Variants in CACHD1 observed in about 807,000 individuals in gnomAD.
CACHD1 encodes cache domain containing 1, also known as VWFA and cache domain-containing protein 1.
Under a neutral mutation model 138.7 loss-of-function variants are expected in CACHD1, and 71 were observed. The ratio of observed to expected loss-of-function variants is 0.51; its 90% CI spans 0.42 to 0.62. CACHD1 has a LOEUF of 0.62. Ranked by LOEUF, CACHD1 falls within the 20% of genes least tolerant of loss-of-function variation. The pLI, the probability that CACHD1 is intolerant of heterozygous loss-of-function variation, is 0.00. For synonymous variants in CACHD1, 578 were observed against 591.5 expected (o/e 0.98, Z 0.33); for missense variants, 1,389 against 1,625.3 (o/e 0.85, Z 2.50).
At chr1:64,476,636 G>T (rs1195858860) in intron 1 of CACHD1, among the ~76,000 whole-genome samples, 1 of 152,208 alleles carries the variant, frequency 6.6e-6, no homozygotes, top group Non-Finnish European at 1.5e-5. Flanking sequence ...AACTTGTCAG[G>T]AATGAGCCCA....
chr1:64,516,915 C>G (rs2100363559), intron 1 of CACHD1, among the ~76,000 whole-genome samples: 1 of 152,300 alleles, frequency 6.6e-6, no homozygotes, highest in East Asian at 1.9e-4. Flanking sequence ...TTCAGCATTG[C>G]AATTAACTGG....
intron 2 of CACHD1, among the ~76,000 whole-genome samples, chr1:64,573,137 A>T (rs559280389): frequency 5.9e-5 from 9 of 152,310 alleles, no homozygotes; most frequent in African/African-American, 1.9e-4. Context: ...CTGAAGCCCT[A>T]ACCCCCAATG....
At chr1:64,564,964 A>G (rs748878199) in intron 2 of CACHD1, among the ~76,000 whole-genome samples, 1 of 151,756 alleles carries the variant, frequency 6.6e-6, no homozygotes, top group Non-Finnish European at 1.5e-5. Context: ...AGCACTAGGC[A>G]GGTATTTAAT....
intron 1 of CACHD1, among the ~76,000 whole-genome samples, chr1:64,541,789 G>A (rs749994797): frequency 1.4e-4 from 21 of 152,184 alleles, no homozygotes; most frequent in Non-Finnish European, 2.5e-4. Flanking sequence ...ATGTGATCAT[G>A]CCACTGCACT....
At chr1:64,581,417 T>G (rs1647011831) in intron 2 of CACHD1, among the ~76,000 whole-genome samples, 1 of 152,214 alleles carries the variant, frequency 6.6e-6, no homozygotes, top group Non-Finnish European at 1.5e-5. Context: ...TCCTTGGAGA[T>G]CTTTGATGAA....
chr1:64,607,259 G>A (rs1296205316), intron 4 of CACHD1, among the ~76,000 whole-genome samples: 1 of 152,196 alleles, frequency 6.6e-6, no homozygotes, highest in Admixed American at 6.5e-5. Context: ...AGAGGACCAA[G>A]AGGACTGTCT....
At chr1:64,651,959 C>T (rs994205636) in intron 9 of CACHD1, among the ~76,000 whole-genome samples, 2 of 152,190 alleles carry the variant, frequency 1.3e-5, no homozygotes, top group Non-Finnish European at 2.9e-5. Context: ...TGCCAAAGGA[C>T]GCTCTTTCCC....
intron 3 of CACHD1, among the ~76,000 whole-genome samples, chr1:64,589,941 C>A (rs767761450): frequency 6.6e-6 from 1 of 152,074 alleles, no homozygotes; most frequent in African/African-American, 2.4e-5. Flanking sequence ...TGTTAACCTT[C>A]GGATTTAGAC....
At chr1:64,579,198 C>T (rs1646992386) in intron 2 of CACHD1, among the ~76,000 whole-genome samples, 2 of 152,158 alleles carry the variant, frequency 1.3e-5, no homozygotes, top group Admixed American at 1.3e-4. Flanking sequence ...CATGTAACTA[C>T]TAAATATTAA....
intron 3 of CACHD1, 78 bp from the exon 4 acceptor site, chr1:64,602,728 C>T: frequency 2.2e-6 from 2 of 890,154 alleles, no homozygotes; most frequent in South Asian, 2.7e-5. Context: ...CTATCTTGTA[C>T]ACAATGTAAA....
chr1:64,582,435 G>A (rs755619679), intron 3 of CACHD1, 131 bp downstream of exon 3: 288 of 781,390 alleles, frequency 3.7e-4, no homozygotes, highest in Non-Finnish European at 4.9e-4. Flanking sequence ...TTTAAGATAA[G>A]CCCTTTATCT....
At chr1:64,546,417 C>T (rs1421963043) in intron 1 of CACHD1, among the ~76,000 whole-genome samples, 1 of 152,084 alleles carries the variant, frequency 6.6e-6, no homozygotes. Context: ...TCACTGCAGC[C>T]TCTGCCTCCT....
chr1:64,644,047 C>T (rs1486396621), intron 8 of CACHD1, among the ~76,000 whole-genome samples: 1 of 152,352 alleles, frequency 6.6e-6, no homozygotes, highest in African/African-American at 2.4e-5. Flanking sequence ...CTCTCTTCTC[C>T]CTCCACTTTC....
intron 1 of CACHD1, among the ~76,000 whole-genome samples, chr1:64,477,855 C>T (rs1056730367): frequency 2.7e-5 from 4 of 149,786 alleles, no homozygotes; most frequent in East Asian, 2.0e-4. Context: ...AGGATGGTCT[C>T]GATCTCCTGA....
intron 1 of CACHD1, among the ~76,000 whole-genome samples, chr1:64,481,244 G>A (rs1345151345): frequency 3.3e-5 from 5 of 152,016 alleles, no homozygotes; most frequent in Non-Finnish European, 7.4e-5. Flanking sequence ...AACCATAACA[G>A]TTATTATAAA....
intron 1 of CACHD1, among the ~76,000 whole-genome samples, chr1:64,473,311 T>G (rs903383899): frequency 7.2e-5 from 11 of 152,118 alleles, no homozygotes; most frequent in African/African-American, 2.7e-4. Context: ...TTAATTTAGT[T>G]AGACTGGTCG....
intron 3 of CACHD1, 70 bp from the exon 4 acceptor site, chr1:64,602,736 A>G: frequency 2.1e-6 from 2 of 945,810 alleles, no homozygotes; most frequent in South Asian, 2.6e-5. Context: ...TACACAATGT[A>G]AACCATTATT....
At chr1:64,523,050 C>T (rs1402539554) in intron 1 of CACHD1, among the ~76,000 whole-genome samples, 1 of 152,210 alleles carries the variant, frequency 6.6e-6, no homozygotes, top group Non-Finnish European at 1.5e-5. Context: ...CTGCTGCCTC[C>T]ATCTTCCCCA....
intron 4 of CACHD1, among the ~76,000 whole-genome samples, chr1:64,603,878 G>A (rs530625310): frequency 9.2e-5 from 14 of 152,218 alleles, no homozygotes; most frequent in South Asian, 6.2e-4. Context: ...AGGGTTCACC[G>A]TTTAAGAGCT....
Sources: allele counts gnomAD v4.1 joint callset (sites outside exome capture counted in the v4.1 genomes callset), GRCh38; gene constraint gnomAD v4.1.1; transcripts MANE v1.5; gene names NCBI Gene and HGNC (gene_info 2026-07-23, HGNC 2026-07-21).